AJAP1: variants seen among roughly 807,000 people sequenced by gnomAD.
The protein encoded by AJAP1 is adherens junction-associated protein 1.
AJAP1 carries 5 observed loss-of-function variants against 35.0 expected under a neutral mutation model. The observed-to-expected ratio is 0.14, with a 90% CI of 0.07 to 0.30. AJAP1 has a LOEUF of 0.30. Ranked by LOEUF, AJAP1 falls within the 10% of genes least tolerant of loss-of-function variation. The pLI, the probability that AJAP1 is intolerant of heterozygous loss-of-function variation, is 1.00. For synonymous variants in AJAP1, 284 were observed against 249.3 expected, an observed-to-expected ratio of 1.14 and a Z score of -1.31; for missense variants, 586 against 571.0, an observed-to-expected ratio of 1.03 and a Z score of -0.27.
chr1:4,674,241 G>A (rs944244296), intron 1 of AJAP1, among the ~76,000 whole-genome samples: 1 of 152,146 alleles, frequency 6.6e-6, no homozygotes, highest in Admixed American at 6.5e-5. Flanking sequence ...TTTAGTTGCT[G>A]TTCTCTAGGT....
At chr1:4,767,903 C>G (rs191122132) in intron 2 of AJAP1, among the ~76,000 whole-genome samples, 1 of 152,328 alleles carries the variant, frequency 6.6e-6, no homozygotes, top group East Asian at 1.9e-4. Flanking sequence ...GCTGTCCATC[C>G]TTTTCAATCC....
At chr1:4,781,263 T>C (rs1642057985) in intron 5 of AJAP1, among the ~76,000 whole-genome samples, 1 of 152,080 alleles carries the variant, frequency 6.6e-6, no homozygotes, top group Non-Finnish European at 1.5e-5. Context: ...GCTCAGTTGA[T>C]TCAGGAGAGA....
At chr1:4,687,511 G>A (rs549709845) in intron 1 of AJAP1, among the ~76,000 whole-genome samples, 180 of 152,320 alleles carry the variant, frequency 1.2e-3, no homozygotes, top group Middle Eastern at 3.4e-3. Context: ...CATGGGGAGG[G>A]CAAAGGTCAA....
intron 2 of AJAP1, among the ~76,000 whole-genome samples, chr1:4,756,563 C>T (rs576521088): frequency 2.0e-5 from 3 of 152,290 alleles, no homozygotes; most frequent in East Asian, 3.9e-4. Context: ...ATTTGGAGGG[C>T]CTGCCGTGAG....
intron 2 of AJAP1, among the ~76,000 whole-genome samples, chr1:4,718,490 C>CA (rs1325220213): frequency 7.0e-6 from 1 of 141,946 alleles, no homozygotes; most frequent in African/African-American, 2.6e-5. Context: ...TCTTTCTTTC[C>CA]TTTTTTTTTT....
Position 4,734,785 on chromosome 1 carries a change from C to T in AJAP1, c.829+22086C>T, listed in dbSNP as rs1258903385. On this transcript the variant is annotated intron_variant, in intron 2 of 5. Coordinates refer to ENST00000378191, the MANE Select transcript of AJAP1 (RefSeq NM_018836.4). This position sits in a 1 kb window ranked among gnomAD's most constrained non-coding sequence, Gnocchi z 4.3. ...AGAGGGGTCAGTGATGGTGGCAGGG[C>T]CAAGGCTCTCACCTTCCCCCGGACA... Among the ~76,000 whole-genome samples the T allele has an allele frequency of 2.0e-5, 3 of 152,250 alleles. No individual in the cohort carries two copies. Among genetic ancestry groups the T allele is most frequent in the Admixed American group, 6.5e-5 (1 of 15,296 alleles).
At chr1:4,663,909 G>A (rs550833192) in intron 1 of AJAP1, among the ~76,000 whole-genome samples, 11 of 152,210 alleles carry the variant, frequency 7.2e-5, no homozygotes, top group East Asian at 3.9e-4. Context: ...TGCCCTTTTC[G>A]GGAGGCCTGG....
intron 2 of AJAP1, among the ~76,000 whole-genome samples, chr1:4,765,817 A>G (rs1298172163): frequency 1.3e-5 from 2 of 152,186 alleles, no homozygotes; most frequent in Non-Finnish European, 2.9e-5. Context: ...AAAGTGACTT[A>G]TTATCAAGTG....
chr1:4,725,400 C>T (rs192177599), intron 2 of AJAP1, among the ~76,000 whole-genome samples: 8 of 152,270 alleles, frequency 5.3e-5, no homozygotes, highest in African/African-American at 1.7e-4. Flanking sequence ...GTGGAGCTCA[C>T]GGGCAGGGCT....
chr1:4,763,143 C>T lies in AJAP1; in HGVS notation c.830-6710C>T, dbSNP rs193169005. Among the ~76,000 whole-genome samples the T allele has an allele frequency of 7.2e-5, 11 of 152,316 alleles. No individual in the cohort carries two copies. In the East Asian group the frequency reaches 1.9e-3, roughly 27 times the overall value. On this transcript the variant is annotated intron_variant, in intron 2 of 5. Transcript: ENST00000378191. ...TGTCTTGTGCCTCAGAGGCCTCTGC[C>T]AGCATCTTTGGCCCTTACCCATTAG...
At chr1:4,733,473 C>G (rs577285471) in intron 2 of AJAP1, among the ~76,000 whole-genome samples, 1 of 144,182 alleles carries the variant, frequency 6.9e-6, no homozygotes, top group Non-Finnish European at 1.5e-5. Context: ...CTCGTGTGCC[C>G]AGGGCTGTGC....
At position 4,782,659 on chromosome 1, in the gene AJAP1, G is replaced by A. The variant is rs1642087907; in HGVS notation, c.*174G>A. 1.3e-5 allele frequency: 5 copies of A among 398,286 alleles called. No individual in the cohort carries two copies. Among genetic ancestry groups the A allele is most frequent in the East Asian group, 7.1e-5 (2 of 28,072 alleles). The allele number at this position is 398,286 out of a possible 1,614,324, so 24.7% of individuals were successfully genotyped here. ...CCCGCACCTACCACTTCTGTTTGCC[G>A]GTGGGAAACTCACAGAGCAGGACGC... On this transcript the variant is annotated 3_prime_UTR_variant, in exon 6 of 6. Transcript: ENST00000378191. This position sits in a 1 kb window ranked among gnomAD's most constrained non-coding sequence, Gnocchi z 5.3.
At position 4,712,686 on chromosome 1, in the gene AJAP1, G is replaced by A. The variant is rs762966524; in HGVS notation, c.816G>A (p.Leu272=). 19 of 1,514,368 alleles carry A rather than the reference G, an allele frequency of 1.3e-5. No homozygotes were observed. The highest frequency in any genetic ancestry group is 1.4e-5 in the Non-Finnish European group (16 of 1,128,490). 93.8% of individuals were successfully genotyped at this position (1,514,368 alleles called of 1,614,324 possible). ...AAGTCACCCAGCCCCCAAGGATTCT[G>A]GGGGAGGCCTCAGGTACAGCCATCT... The part of the protein sequence containing the change: ...NGEVTQPPRI[L]GEASGLAVHQ... The change falls in exon 2 of 6, where the codon CTG becomes CTA. Residue 272 remains leucine, a synonymous_variant. Transcript: ENST00000378191.
At chr1:4,762,979 T>C (rs962504096) in intron 2 of AJAP1, among the ~76,000 whole-genome samples, 95 of 152,162 alleles carry the variant, frequency 6.2e-4, no homozygotes, top group African/African-American at 2.1e-3. Context: ...GCTTTGTTAT[T>C]GATAAGGAAA....
intron 3 of AJAP1, among the ~76,000 whole-genome samples, chr1:4,770,152 C>G (rs1490323485): frequency 6.6e-6 from 1 of 152,238 alleles, no homozygotes; most frequent in Non-Finnish European, 1.5e-5. Flanking sequence ...CGAGCCCAGC[C>G]TTTGTGACAG....
rs568019110 is a variant in AJAP1, at chr1:4,734,822, G to A, written c.829+22123G>A. ...CCTTCCCCCGGACAAGGTTTCTAAG[G>A]CCCGGGAAGCATCTTCTGCTTCCGA... On this transcript the variant is annotated intron_variant, in intron 2 of 5. Coordinates refer to ENST00000378191, the MANE Select transcript of AJAP1 (RefSeq NM_018836.4). The surrounding 1 kb of genome is among the most constrained non-coding windows in gnomAD (Gnocchi z 4.3). Among the ~76,000 whole-genome samples the A allele has an allele frequency of 2.6e-5, 4 of 152,270 alleles. No homozygotes were observed. The highest frequency in any genetic ancestry group is 9.6e-5 in the African/African-American group (4 of 41,554).
intron 2 of AJAP1, among the ~76,000 whole-genome samples, chr1:4,750,214 A>G (rs1641291508): frequency 6.6e-6 from 1 of 152,038 alleles, no homozygotes; most frequent in Non-Finnish European, 1.5e-5. Context: ...GCGTGTGTGC[A>G]TGTATTTGTG....
chr1:4,669,174 A>G (rs1021885605), intron 1 of AJAP1, among the ~76,000 whole-genome samples: 18 of 152,170 alleles, frequency 1.2e-4, no homozygotes, highest in African/African-American at 3.9e-4. Context: ...AGACCTTTTC[A>G]TCACCCTAAA....
At chr1:4,748,796 A>C (rs865989126) in intron 2 of AJAP1, among the ~76,000 whole-genome samples, 4 of 151,514 alleles carry the variant, frequency 2.6e-5, no homozygotes, top group Middle Eastern at 3.2e-3. Context: ...GGGCTCTTAC[A>C]AAAGAGGATG....
Sources: gnomAD v4.1 joint callset for allele counts (sites outside exome capture counted in the v4.1 genomes callset) on GRCh38, gnomAD v4.1.1 for gene constraint, Gnocchi (gnomAD v3.1) non-coding constraint, MANE v1.5 for transcripts, NCBI Gene and HGNC (gene_info 2026-07-23, HGNC 2026-07-21) for gene names.